The following ATP11A variants were observed in gnomAD, a reference collection of about 807,000 sequenced individuals.
ATP11A encodes the protein phospholipid-transporting ATPase IH.
A neutral mutation model predicts 154.4 loss-of-function variants in ATP11A; 81 were observed. That is an observed-to-expected ratio of 0.52 (90% confidence interval 0.44 to 0.63). ATP11A has a LOEUF of 0.63. ATP11A is among the 30% of genes least tolerant of loss of function. The pLI is 0.00. For synonymous variants in ATP11A, 623 were observed against 585.9 expected, an observed-to-expected ratio of 1.06 and a Z score of -0.91; for missense variants, 1,316 against 1,474.3, an observed-to-expected ratio of 0.89 and a Z score of 1.76.
In ATP11A at chr13:112,819,407, A is replaced by G. The variant is rs1409937539; in HGVS notation, c.674A>G (p.Lys225Arg). ...ECEQPQPDLY[K>R]FVGRINVYSD... ...GAGCAGCCCCAGCCCGACCTCTACA[A>G]GTAAGCGGGAGCTTTGGGTTCTTTA... Residue 225 changes from lysine (K) to arginine (R), a missense_variant and splice_region_variant, in exon 7 of 30, where the codon AAG becomes AGG. By Grantham distance (26) the Lys-to-Arg change is conservative. Coordinates refer to ENST00000375645, the MANE Select transcript of ATP11A (RefSeq NM_015205.3). 8 of 1,614,034 alleles carry G rather than the reference A, an allele frequency of 5.0e-6. No homozygotes were observed. The highest frequency in any genetic ancestry group is 5.9e-6 in the Non-Finnish European group (7 of 1,179,996).
chr13:112,829,869 A>G lies in ATP11A; in HGVS notation c.1222-1506A>G, dbSNP rs918278267. On this transcript the variant is annotated intron_variant, in intron 12 of 29. Transcript: ENST00000375645. ...GCAGGATACAAAATCAACACCCAAA[A>G]TCAGTAGTGATTCTATATACCAGAC... Among the ~76,000 whole-genome samples the G allele has an allele frequency of 2.6e-5, 4 of 152,244 alleles. No homozygotes were observed. The East Asian group carries it at 7.7e-4, about 29-fold the overall frequency.
intron 5 of ATP11A, among the ~76,000 whole-genome samples, chr13:112,811,091 G>A (rs960241847): frequency 1.0e-4 from 14 of 133,420 alleles, no homozygotes; most frequent in African/African-American, 3.7e-4. Flanking sequence ...ATTTGTTTAT[G>A]TTTAATAGAC....
At chr13:112,731,593 G>C (rs2139692634) in intron 1 of ATP11A, among the ~76,000 whole-genome samples, 2 of 152,258 alleles carry the variant, frequency 1.3e-5, no homozygotes, top group South Asian at 4.1e-4. Flanking sequence ...AACTGGATGT[G>C]AATCAACTCA....
intron 17 of ATP11A, among the ~76,000 whole-genome samples, chr13:112,848,696 CT>C (rs778181053): frequency 6.6e-6 from 1 of 152,016 alleles, no homozygotes; most frequent in South Asian, 2.1e-4. Context: ...TTTTTCTTTT[CT>C]TTTTTTTGAG....
chr13:112,811,161 AACACACACACACACACACAC>A (rs10695491), intron 5 of ATP11A, among the ~76,000 whole-genome samples: 2 of 115,602 alleles, frequency 1.7e-5, no homozygotes, highest in Admixed American at 8.7e-5. Flanking sequence ...TGCCCCTTCC[AACACACACACACACACACAC>A]ACACACACAC....
At position 112,863,119 on chromosome 13, in the gene ATP11A, C is replaced by T. The variant is rs1230357334; in HGVS notation, c.2991+544C>T. On this transcript the variant is annotated intron_variant, in intron 25 of 29. Transcript: ENST00000375645. ...CAGCGTAGCACATGCAGTTTCCCAG[C>T]GGGGTCCATCACCACCTGCACAGTA... 6.1e-5 allele frequency among the ~76,000 whole-genome samples: 9 copies of T among 146,650 alleles called. 1 individual carries two copies. Among genetic ancestry groups the T allele is most frequent in the Admixed American group, 5.4e-4 (8 of 14,740 alleles).
chr13:112,825,116 G>T (rs1040193621), intron 10 of ATP11A, among the ~76,000 whole-genome samples: 5 of 152,130 alleles, frequency 3.3e-5, no homozygotes, highest in African/African-American at 4.8e-5. Context: ...TTGATTTCTG[G>T]ATGTACTTTT....
At chr13:112,698,575 C>G (rs529294407) in intron 1 of ATP11A, among the ~76,000 whole-genome samples, 5 of 152,232 alleles carry the variant, frequency 3.3e-5, no homozygotes, top group Non-Finnish European at 7.4e-5. Flanking sequence ...TGCAGGGATG[C>G]TGGGACATCA....
At chr13:112,735,360 G>A (rs1037669611) in intron 1 of ATP11A, among the ~76,000 whole-genome samples, 4 of 152,330 alleles carry the variant, frequency 2.6e-5, no homozygotes, top group East Asian at 1.9e-4. Flanking sequence ...ATAGCCTTCC[G>A]CGTGGCTGAT....
chr13:112,836,371 T>A (rs1024342684), intron 16 of ATP11A, 120 bp downstream of exon 16: 78 of 580,834 alleles, frequency 1.3e-4, no homozygotes, highest in Middle Eastern at 4.5e-4. Flanking sequence ...ATTCTTTTTT[T>A]AAAAACTATA....
intron 1 of ATP11A, among the ~76,000 whole-genome samples, chr13:112,719,643 A>AACTTCAGGTT (rs60414272): frequency 0.011 from 1,696 of 151,950 alleles, 28 homozygotes; most frequent in African/African-American, 0.038. Flanking sequence ...GCTGATGGTG[A>AACTTCAGGTT]ACTTCAGGTT....
At chr13:112,850,677 A>G (rs79204917) in intron 17 of ATP11A, among the ~76,000 whole-genome samples, 2 of 152,246 alleles carry the variant, frequency 1.3e-5, no homozygotes, top group African/African-American at 4.8e-5. Context: ...TAAAAAAAAA[A>G]GGTTAAATTT....
intron 26 of ATP11A, 106 bp from the exon 27 acceptor site, chr13:112,873,467 C>T (rs61961614): frequency 0.12 from 75,201 of 628,418 alleles, 10,641 homozygotes; most frequent in Admixed American, 0.18. Flanking sequence ...CTGGGTCTTG[C>T]GTTTGGTTTA....
intron 1 of ATP11A, among the ~76,000 whole-genome samples, chr13:112,715,789 G>T (rs531177077): frequency 6.6e-6 from 1 of 151,900 alleles, no homozygotes; most frequent in Non-Finnish European, 1.5e-5. Context: ...GTTGCTCTGT[G>T]ATCATTCCCA....
intron 4 of ATP11A, among the ~76,000 whole-genome samples, chr13:112,810,307 T>A (rs2078453076): frequency 6.6e-6 from 1 of 152,250 alleles, no homozygotes; most frequent in Non-Finnish European, 1.5e-5. Context: ...GAATTTATCC[T>A]AAGTCCATGT....
chr13:112,712,995 T>C (rs972710029), intron 1 of ATP11A, among the ~76,000 whole-genome samples: 2 of 152,242 alleles, frequency 1.3e-5, no homozygotes, highest in South Asian at 4.1e-4. Context: ...GAGACGTATC[T>C]GGTTAATGTG....
rs538864427 is a variant in ATP11A, at chr13:112,730,804, T to C, written c.39+40349T>C. ...CAGGAGGCCTGAATGAATCAAGTCG[T>C]GCTGCAGAGCAGGGAGGATTTTCGG... On this transcript the variant is annotated intron_variant, in intron 1 of 29. Transcript: ENST00000375645. Among the ~76,000 whole-genome samples, 602 of 152,306 alleles carry C rather than the reference T, an allele frequency of 4.0e-3. 4 individuals carry two copies. The highest frequency in any genetic ancestry group is 0.014 in the African/African-American group (567 of 41,562).
chr13:112,838,118 T>C lies in ATP11A; in HGVS notation c.1705+1867T>C, dbSNP rs2079290778. On this transcript the variant is annotated intron_variant, in intron 16 of 29. Coordinates refer to ENST00000375645, the MANE Select transcript of ATP11A (RefSeq NM_015205.3). The surrounding 1 kb of genome is among the most constrained non-coding windows in gnomAD (Gnocchi z 7.3). Reference sequence around the variant, plus strand: ...GTTGCCAGGACTCCCACGAAGAGCTTTTGCCAGCCAGACCGTGGGATCAGC... The same window carrying C: ...GTTGCCAGGACTCCCACGAAGAGCTCTTGCCAGCCAGACCGTGGGATCAGC... Among the ~76,000 whole-genome samples the C allele has an allele frequency of 6.6e-6, 1 of 152,042 alleles. No individual in the cohort carries two copies. The highest frequency in any genetic ancestry group is 1.5e-5 in the Non-Finnish European group (1 of 67,978).
At chr13:112,709,955 C>G (rs1281526129) in intron 1 of ATP11A, among the ~76,000 whole-genome samples, 3 of 152,272 alleles carry the variant, frequency 2.0e-5, no homozygotes, top group African/African-American at 4.8e-5. Flanking sequence ...CTGACCAGCC[C>G]CTGTTGGAGC....
Sources: gnomAD v4.1 joint callset for allele counts (sites outside exome capture counted in the v4.1 genomes callset) on GRCh38, gnomAD v4.1.1 for gene constraint, Gnocchi (gnomAD v3.1) non-coding constraint, MANE v1.5 for transcripts, NCBI Gene and HGNC (gene_info 2026-07-23, HGNC 2026-07-21) for gene names.